Variants in GAP43 observed in about 807,000 individuals in gnomAD.
GAP43 encodes the protein neuromodulin.
Under a neutral mutation model 18.6 loss-of-function variants are expected in GAP43, and 6 were observed. The ratio of observed to expected loss-of-function variants is 0.32; its 90% confidence interval spans 0.18 to 0.64. The LOEUF is 0.64. Among genes scored for constraint, GAP43 ranks in the 30% least tolerant of loss-of-function variants. The pLI, the probability that GAP43 is intolerant of heterozygous loss-of-function variation, is 0.78. For missense variants in GAP43, 292 were observed against 295.5 expected (o/e 0.99, Z 0.09); for synonymous variants, 115 against 111.4 (o/e 1.03, Z -0.20).
intron 1 of GAP43, chr3:115,661,184 C>A (rs1708653861): frequency 6.6e-6 from 1 of 152,202 alleles, no homozygotes; most frequent in South Asian, 2.1e-4. Context: ...ATTGCACTCC[C>A]TTGCAGCTGG....
At chr3:115,649,822 A>AAAAAAAAAAG (rs375806733) in intron 1 of GAP43, among the ~76,000 whole-genome samples, 1 of 137,258 alleles carries the variant, frequency 7.3e-6, no homozygotes, top group Non-Finnish European at 1.5e-5. Context: ...AAAAAAAAAA[A>AAAAAAAAAAG]AAAGAAAGAA....
intron 1 of GAP43, 94 bp downstream of exon 1, chr3:115,623,813 T>C: frequency 7.5e-7 from 1 of 1,326,006 alleles, no homozygotes; most frequent in Non-Finnish European, 1.1e-6. Flanking sequence ...CTGCTTCTGC[T>C]CTGGCCGTGG....
At chr3:115,675,499 C>T (rs373917424) in intron 1 of GAP43, among the ~76,000 whole-genome samples, 74 of 152,168 alleles carry the variant, frequency 4.9e-4, no homozygotes, top group Non-Finnish European at 8.4e-4. Context: ...CGGTGGCTCA[C>T]GCCTGTAATT....
chr3:115,705,125 A>C (rs758709541), intron 2 of GAP43, among the ~76,000 whole-genome samples: 1 of 152,210 alleles, frequency 6.6e-6, no homozygotes, highest in Non-Finnish European at 1.5e-5. Context: ...CAAACACATC[A>C]TGCCGAACCA....
intron 2 of GAP43, among the ~76,000 whole-genome samples, chr3:115,684,207 G>A (rs1553723595): frequency 6.6e-6 from 1 of 151,406 alleles, no homozygotes; most frequent in Non-Finnish European, 1.5e-5. Flanking sequence ...ACTTTTGAAG[G>A]CTTTTTTTTC....
At chr3:115,704,770 G>T (rs896988229) in intron 2 of GAP43, among the ~76,000 whole-genome samples, 9 of 152,048 alleles carry the variant, frequency 5.9e-5, no homozygotes, top group Admixed American at 5.9e-4. Flanking sequence ...TGATCTAATG[G>T]AGGATCGCTG....
At chr3:115,693,949 A>T (rs1467358945) in intron 2 of GAP43, among the ~76,000 whole-genome samples, 2 of 152,146 alleles carry the variant, frequency 1.3e-5, no homozygotes, top group African/African-American at 4.8e-5. Context: ...GGCTCCACGA[A>T]TCCCCAATTA....
intron 2 of GAP43, among the ~76,000 whole-genome samples, chr3:115,707,744 G>A (rs1316930760): frequency 6.6e-6 from 1 of 151,980 alleles, no homozygotes; most frequent in Non-Finnish European, 1.5e-5. Flanking sequence ...TAGAAGATAG[G>A]TATAAAATTA....
At chr3:115,718,400 A>C (rs1709537797) in intron 2 of GAP43, among the ~76,000 whole-genome samples, 1 of 152,176 alleles carries the variant, frequency 6.6e-6, no homozygotes, top group African/African-American at 2.4e-5. Flanking sequence ...TAAATCTGGA[A>C]TCTTTCTTCT....
chr3:115,624,317 G>A (rs1451484332), intron 1 of GAP43, among the ~76,000 whole-genome samples: 1 of 148,912 alleles, frequency 6.7e-6, no homozygotes, highest in Non-Finnish European at 1.5e-5. Flanking sequence ...TTTTTTTTAA[G>A]AGAAGCTAAG....
chr3:115,633,740 G>A (rs1165378577), intron 1 of GAP43, among the ~76,000 whole-genome samples: 8 of 152,116 alleles, frequency 5.3e-5, no homozygotes, highest in African/African-American at 1.9e-4. Flanking sequence ...CCTCTGGCAG[G>A]TGCCACCTGT....
At chr3:115,632,377 C>T (rs1708271004) in intron 1 of GAP43, among the ~76,000 whole-genome samples, 1 of 152,112 alleles carries the variant, frequency 6.6e-6, no homozygotes, top group Non-Finnish European at 1.5e-5. Context: ...CTTCAGGGCT[C>T]CTCAATACAA....
At chr3:115,685,606 G>A (rs915712108) in intron 2 of GAP43, among the ~76,000 whole-genome samples, 3 of 152,112 alleles carry the variant, frequency 2.0e-5, no homozygotes, top group Non-Finnish European at 2.9e-5. Flanking sequence ...GCAGTGGGAG[G>A]CTGAAAGGAT....
intron 1 of GAP43, among the ~76,000 whole-genome samples, chr3:115,634,575 G>A (rs1241348781): frequency 6.6e-6 from 1 of 152,002 alleles, no homozygotes; most frequent in Non-Finnish European, 1.5e-5. Context: ...TTCGAGACCA[G>A]CCTGGGAAAC....
At chr3:115,634,719 C>CT (rs991219299) in intron 1 of GAP43, among the ~76,000 whole-genome samples, 1 of 151,930 alleles carries the variant, frequency 6.6e-6, no homozygotes, top group Admixed American at 6.6e-5. Flanking sequence ...GCAGTGAGCT[C>CT]TGATCACACC....
At chr3:115,655,542 C>A (rs1252684156) in intron 1 of GAP43, among the ~76,000 whole-genome samples, 1 of 152,138 alleles carries the variant, frequency 6.6e-6, no homozygotes, top group Non-Finnish European at 1.5e-5. Flanking sequence ...CTGCAAAATT[C>A]TCTTAAATCA....
chr3:115,713,543 G>A lies in GAP43; in HGVS notation c.629-7251G>A, dbSNP rs376645554. ...TTGCAACCAGGCTGCCTGGCTGAGC[G>A]CACAAGCAGCCGCTGCTGCATATGC... is the stretch of plus-strand genomic sequence containing the variant. On this transcript the variant is annotated intron_variant, in intron 2 of 2. Transcript: ENST00000305124. Among the ~76,000 whole-genome samples, 127 of 152,352 alleles carry A rather than the reference G, an allele frequency of 8.3e-4. 4 individuals carry two copies. Among genetic ancestry groups the A allele is most frequent in the African/African-American group, 2.9e-3 (122 of 41,594 alleles).
intron 1 of GAP43, chr3:115,659,029 AC>A (rs1381413993): frequency 1.3e-5 from 2 of 152,378 alleles, no homozygotes; most frequent in African/African-American, 4.8e-5. Flanking sequence ...ACCTTCTTGT[AC>A]CGCCCACTTT....
chr3:115,681,290 A>G (rs1199716512), intron 2 of GAP43, among the ~76,000 whole-genome samples: 2 of 152,216 alleles, frequency 1.3e-5, no homozygotes, highest in Non-Finnish European at 2.9e-5. Context: ...TCTGGCCACA[A>G]ATACAGCCAG....
Sources: allele counts gnomAD v4.1 joint callset (sites outside exome capture counted in the v4.1 genomes callset), GRCh38; gene constraint gnomAD v4.1.1; transcripts MANE v1.5; gene names NCBI Gene and HGNC (gene_info 2026-07-23, HGNC 2026-07-21).